The following NCALD variants were observed in gnomAD, a reference collection of about 807,000 sequenced individuals.
The protein encoded by NCALD is neurocalcin delta.
A neutral mutation model predicts 18.6 loss-of-function variants in NCALD; 10 were observed. That is an observed-to-expected ratio of 0.54 (90% CI 0.33 to 0.91). NCALD has a LOEUF of 0.91. Ranked by LOEUF, NCALD falls within the 40% of genes least tolerant of loss-of-function variation. The pLI, the probability that NCALD is intolerant of heterozygous loss-of-function variation, is 0.03. For synonymous variants in NCALD, 88 were observed against 87.4 expected (o/e 1.01, Z -0.04); for missense variants, 184 against 247.6 (o/e 0.74, Z 1.72).
rs562993657 is a variant in NCALD, at chr8:101,854,649, A to C, written c.-20+32492T>G. 7.6e-4 allele frequency among the ~76,000 whole-genome samples: 116 copies of C among 152,300 alleles called. 1 individual carries two copies. The highest frequency in any genetic ancestry group is 2.7e-3 in the African/African-American group (111 of 41,562). On this transcript the variant is annotated intron_variant, in intron 4 of 6. Transcript: ENST00000311028. ...AGTTCCAAACTGTATTTTGCTGCTG[A>C]ATAAACATATAGCTTTCCTAGACTC...
chr8:101,766,330 G>A (rs1361833712), intron 1 of NCALD, among the ~76,000 whole-genome samples: 1 of 151,328 alleles, frequency 6.6e-6, no homozygotes, highest in Admixed American at 6.6e-5. Context: ...AATAATACAA[G>A]CTCATTGAAA....
chr8:101,743,238 A>G (rs1180215398), intron 1 of NCALD, among the ~76,000 whole-genome samples: 1 of 150,732 alleles, frequency 6.6e-6, no homozygotes, highest in Admixed American at 6.7e-5. Flanking sequence ...ATTTCACAAG[A>G]ATTTCCTGAA....
chr8:102,035,577 T>C (rs1822834350), intron 1 of NCALD, among the ~76,000 whole-genome samples: 1 of 152,044 alleles, frequency 6.6e-6, no homozygotes, highest in African/African-American at 2.4e-5. Flanking sequence ...ATTAAAACAG[T>C]GAATCAGCGT....
chr8:101,934,574 G>A (rs1818691880), intron 2 of NCALD, among the ~76,000 whole-genome samples: 1 of 152,112 alleles, frequency 6.6e-6, no homozygotes, highest in Admixed American at 6.5e-5. Context: ...TAAGAGTCGG[G>A]AGCTTCAGGA....
upstream of NCALD, among the ~76,000 whole-genome samples, chr8:101,793,471 A>G (rs907843835): frequency 3.9e-5 from 6 of 152,226 alleles, no homozygotes; most frequent in East Asian, 1.2e-3. Context: ...TAATTTGCCT[A>G]CCTACTCATT....
chr8:101,938,655 TA>T (rs11285546), intron 2 of NCALD, among the ~76,000 whole-genome samples: 59,626 of 149,996 alleles, frequency 0.4, 11,858 homozygotes, highest in Admixed American at 0.48. Context: ...GAAATAATGG[TA>T]AAAAAAAAAA....
chr8:101,741,480 T>A (rs1463689957), intron 1 of NCALD, among the ~76,000 whole-genome samples: 1 of 152,100 alleles, frequency 6.6e-6, no homozygotes, highest in African/African-American at 2.4e-5. Context: ...CAGTATATCA[T>A]CAGAAGCACA....
At chr8:101,892,033 C>A (rs1816919382) in intron 3 of NCALD, among the ~76,000 whole-genome samples, 2 of 152,032 alleles carry the variant, frequency 1.3e-5, no homozygotes, top group Admixed American at 1.3e-4. Context: ...GGCCTGGCTG[C>A]CTCTGTAGGC....
chr8:101,920,833 A>G (rs1818138525), intron 2 of NCALD, among the ~76,000 whole-genome samples: 1 of 152,244 alleles, frequency 6.6e-6, no homozygotes, highest in Non-Finnish European at 1.5e-5. Context: ...GCATCATGCA[A>G]TATACCAGGT....
intron 1 of NCALD, among the ~76,000 whole-genome samples, chr8:101,773,737 T>A (rs1811679869): frequency 6.6e-6 from 1 of 152,206 alleles, no homozygotes; most frequent in African/African-American, 2.4e-5. Context: ...TTTCTAAACA[T>A]AGGACTAGTT....
At chr8:101,704,911 A>G (rs1815437347) in intron 2 of NCALD, among the ~76,000 whole-genome samples, 1 of 137,094 alleles carries the variant, frequency 7.3e-6, no homozygotes, top group African/African-American at 2.8e-5. Context: ...AAGAGCGAAA[A>G]CTCCGTGTCA....
rs77650144 is a variant in NCALD, at chr8:101,842,998, G to A, written c.-20+44143C>T. Among the ~76,000 whole-genome samples, 484 of 152,308 alleles carry A rather than the reference G, an allele frequency of 3.2e-3. 3 individuals carry two copies. The highest frequency in any genetic ancestry group is 5.0e-3 in the Non-Finnish European group (342 of 68,026). ...CATAAAAAAGCAGTTTTTGTACACA[G>A]CCATCCCCATGGTGTTCCCCTATCC... On this transcript the variant is annotated intron_variant, in intron 4 of 6. Transcript: ENST00000311028.
chr8:102,021,112 T>C (rs1178167961), intron 1 of NCALD, among the ~76,000 whole-genome samples: 2 of 152,218 alleles, frequency 1.3e-5, no homozygotes, highest in African/African-American at 4.8e-5. Flanking sequence ...TATACAAATA[T>C]ACATTCAGTA....
intron 2 of NCALD, among the ~76,000 whole-genome samples, chr8:101,708,662 C>T (rs1001436269): frequency 2.6e-5 from 4 of 152,118 alleles, no homozygotes; most frequent in Admixed American, 6.5e-5. Context: ...TCCACAAATC[C>T]GGAAATGGAT....
intron 2 of NCALD, among the ~76,000 whole-genome samples, chr8:101,987,631 C>T (rs1450620143): frequency 6.6e-6 from 1 of 152,134 alleles, no homozygotes; most frequent in Non-Finnish European, 1.5e-5. Flanking sequence ...TTACAAACTC[C>T]TTTCCTTCAG....
intron 2 of NCALD, chr8:101,950,250 C>G (rs1819339701): frequency 6.6e-6 from 1 of 152,318 alleles, no homozygotes; most frequent in Non-Finnish European, 1.5e-5. Flanking sequence ...GTGACTGACT[C>G]AACAAACCTG....
chr8:101,921,805 T>C (rs1326723106), intron 2 of NCALD, among the ~76,000 whole-genome samples: 2 of 152,200 alleles, frequency 1.3e-5, no homozygotes, highest in East Asian at 1.9e-4. Context: ...ATAGATACTA[T>C]AGAAGATGTT....
intron 2 of NCALD, among the ~76,000 whole-genome samples, chr8:101,700,782 C>A (rs1363161177): frequency 6.6e-6 from 1 of 152,142 alleles, no homozygotes; most frequent in Non-Finnish European, 1.5e-5. Flanking sequence ...GTGGGGTTGG[C>A]ACAGAGAAAC....
chr8:101,729,707 G>T (rs7015484), intron 1 of NCALD, among the ~76,000 whole-genome samples: 17,983 of 152,160 alleles, frequency 0.12, 3,500 homozygotes, highest in African/African-American at 0.41. Flanking sequence ...ATAAAGCCCA[G>T]GAAATCATCT....
Sources: allele counts gnomAD v4.1 joint callset (sites outside exome capture counted in the v4.1 genomes callset), GRCh38; gene constraint gnomAD v4.1.1; transcripts MANE v1.5; gene names NCBI Gene and HGNC (gene_info 2026-07-23, HGNC 2026-07-21).